Variants in KIF6 observed in about 807,000 individuals in gnomAD.
KIF6 encodes kinesin family member 6.
KIF6 carries 106 observed loss-of-function variants against 112.7 expected under a neutral mutation model. The observed-to-expected ratio is 0.94, with a 90% CI of 0.80 to 1.11. The LOEUF (loss-of-function observed/expected upper bound fraction) is 1.11, where lower values mean the gene tolerates loss of function less well. Among genes scored for constraint, KIF6 ranks in the 50% least tolerant of loss-of-function variants. The pLI is 0.00. For missense variants in KIF6, 929 were observed against 964.0 expected (o/e 0.96, Z 0.48); for synonymous variants, 339 against 339.9 (o/e 1.00, Z 0.03).
chr6:39,652,701 G>A (rs1254622558), intron 3 of KIF6, among the ~76,000 whole-genome samples: 3 of 151,558 alleles, frequency 2.0e-5, no homozygotes, highest in African/African-American at 7.3e-5. Flanking sequence ...TCATTCTCTA[G>A]GCAATCTATT....
intron 10 of KIF6, among the ~76,000 whole-genome samples, chr6:39,565,439 C>T (rs1320497481): frequency 6.6e-6 from 1 of 152,176 alleles, no homozygotes; most frequent in Non-Finnish European, 1.5e-5. Context: ...GGCCTCAGGA[C>T]AGATCCAAAT....
chr6:39,622,098 C>T (rs1215454466), intron 5 of KIF6, among the ~76,000 whole-genome samples: 1 of 150,724 alleles, frequency 6.6e-6, no homozygotes, highest in Non-Finnish European at 1.5e-5. Context: ...ACCCAGAAGG[C>T]GGAGGTTGCA....
chr6:39,466,569 G>A (rs1773796766), intron 13 of KIF6, among the ~76,000 whole-genome samples: 1 of 152,180 alleles, frequency 6.6e-6, no homozygotes, highest in African/African-American at 2.4e-5. Flanking sequence ...TTTGAGCCAT[G>A]ACTTGCTCCT....
Position 39,461,671 on chromosome 6 carries a change from T to G in KIF6, c.1646-30510A>C, listed in dbSNP as rs1046542753. On this transcript the variant is annotated intron_variant, in intron 13 of 22. Coordinates refer to ENST00000287152, the MANE Select transcript of KIF6 (RefSeq NM_145027.6). ...TATACTCATTTGCATGTTTTATTCTTACAGCACATCTTAATTCAGACACTG... is the reference window on the plus strand; with the variant it reads ...TATACTCATTTGCATGTTTTATTCTGACAGCACATCTTAATTCAGACACTG... 7.2e-5 allele frequency among the ~76,000 whole-genome samples: 11 copies of G among 152,330 alleles called. 1 individual carries two copies. The highest frequency in any genetic ancestry group is 7.2e-4 in the Admixed American group (11 of 15,310).
chr6:39,552,899 G>C (rs1218238607), intron 10 of KIF6, among the ~76,000 whole-genome samples: 1 of 152,160 alleles, frequency 6.6e-6, no homozygotes, highest in Non-Finnish European at 1.5e-5. Flanking sequence ...TCATAATTAT[G>C]ATTAACTACA....
At chr6:39,671,851 C>T (rs904879234) in intron 3 of KIF6, among the ~76,000 whole-genome samples, 2 of 152,198 alleles carry the variant, frequency 1.3e-5, no homozygotes, top group Non-Finnish European at 1.5e-5. Context: ...CTCCCCATGT[C>T]TTTGTGGGTT....
chr6:39,410,279 T>A (rs978640176), intron 15 of KIF6, among the ~76,000 whole-genome samples: 2 of 152,244 alleles, frequency 1.3e-5, no homozygotes, highest in African/African-American at 4.8e-5. Flanking sequence ...ACTACTACGA[T>A]GAGATTTAGA....
intron 13 of KIF6, among the ~76,000 whole-genome samples, chr6:39,466,228 T>TC (rs1344062896): frequency 6.6e-6 from 1 of 152,124 alleles, no homozygotes; most frequent in East Asian, 1.9e-4. Flanking sequence ...CCAACTTTCC[T>TC]CCCCCCTTCC....
At chr6:39,533,041 T>C (rs967148120) in intron 13 of KIF6, among the ~76,000 whole-genome samples, 3 of 152,160 alleles carry the variant, frequency 2.0e-5, no homozygotes, top group Non-Finnish European at 4.4e-5. Context: ...CCAAGATGGC[T>C]GAATAGGAAT....
intron 19 of KIF6, 124 bp downstream of exon 19, chr6:39,357,153 A>G (rs886390747): frequency 3.2e-6 from 2 of 621,340 alleles, no homozygotes; most frequent in African/African-American, 1.8e-5. Flanking sequence ...AAACAGTAAA[A>G]GGAATTAATC....
intron 5 of KIF6, among the ~76,000 whole-genome samples, chr6:39,627,770 T>C (rs1478211904): frequency 2.0e-5 from 3 of 152,198 alleles, no homozygotes; most frequent in African/African-American, 7.2e-5. Flanking sequence ...AAATGGAATA[T>C]GCTTCCCTAT....
chr6:39,454,126 G>A (rs1772878751), intron 13 of KIF6, among the ~76,000 whole-genome samples: 1 of 152,170 alleles, frequency 6.6e-6, no homozygotes, highest in Non-Finnish European at 1.5e-5. Context: ...TGACTAAGTA[G>A]CATGGTGAGT....
chr6:39,652,188 C>A (rs1188930395), intron 3 of KIF6, among the ~76,000 whole-genome samples: 9 of 152,132 alleles, frequency 5.9e-5, no homozygotes. Context: ...AGAGATACAG[C>A]ATCATCTTAC....
chr6:39,636,734 C>T (rs940032639), intron 4 of KIF6, among the ~76,000 whole-genome samples: 2 of 151,958 alleles, frequency 1.3e-5, no homozygotes, highest in Admixed American at 6.6e-5. Context: ...CCTGTTTAAA[C>T]CAACATATTT....
chr6:39,631,621 T>C (rs1784354651), intron 5 of KIF6, among the ~76,000 whole-genome samples: 1 of 152,142 alleles, frequency 6.6e-6, no homozygotes, highest in African/African-American at 2.4e-5. Flanking sequence ...TGATATAGTA[T>C]TGATTTTATA....
intron 13 of KIF6, among the ~76,000 whole-genome samples, chr6:39,496,503 G>A (rs1412318720): frequency 3.3e-5 from 5 of 152,076 alleles, no homozygotes; most frequent in Non-Finnish European, 7.4e-5. Context: ...GCAGAGTCCA[G>A]CCCCTACACT....
At chr6:39,520,204 T>TAA (rs1032423194) in intron 13 of KIF6, among the ~76,000 whole-genome samples, 17 of 152,154 alleles carry the variant, frequency 1.1e-4, no homozygotes, top group African/African-American at 3.9e-4. Flanking sequence ...GGGTTAAAGG[T>TAA]AAAAGACAGG....
chr6:39,359,557 G>C (rs538623308), intron 18 of KIF6, among the ~76,000 whole-genome samples: 1 of 151,998 alleles, frequency 6.6e-6, no homozygotes, highest in Non-Finnish European at 1.5e-5. Flanking sequence ...AGCCATTTGC[G>C]ATACTTGAAC....
At chr6:39,339,563 T>TC (rs1027321244) in intron 22 of KIF6, among the ~76,000 whole-genome samples, 6 of 151,850 alleles carry the variant, frequency 4.0e-5, no homozygotes, top group African/African-American at 1.5e-4. Context: ...GTTATGGGGG[T>TC]CGCACCATGG....
Sources: allele counts gnomAD v4.1 joint callset (sites outside exome capture counted in the v4.1 genomes callset), GRCh38; gene constraint gnomAD v4.1.1; transcripts MANE v1.5; gene names NCBI Gene and HGNC (gene_info 2026-07-23, HGNC 2026-07-21).